Variants in ARAP2 observed in about 807,000 individuals in gnomAD.
ARAP2 encodes arf-GAP with Rho-GAP domain, ANK repeat and PH domain-containing protein 2.
In ARAP2, 148 loss-of-function variants were observed where a neutral mutation model predicts 194.5. The observed-to-expected ratio is 0.76, with a 90% confidence interval of 0.67 to 0.87. The LOEUF (loss-of-function observed/expected upper bound fraction) is 0.87, where lower values mean the gene tolerates loss of function less well. Among genes scored for constraint, ARAP2 ranks in the 40% least tolerant of loss-of-function variants. ARAP2 has a pLI of 0.00. For synonymous variants in ARAP2, 695 were observed against 683.5 expected (o/e 1.02, Z -0.26); for missense variants, 2,128 against 1,989.7 (o/e 1.07, Z -1.32).
At chr4:36,113,956 T>G (rs906648767) in intron 26 of ARAP2, among the ~76,000 whole-genome samples, 10 of 151,978 alleles carry the variant, frequency 6.6e-5, no homozygotes, top group African/African-American at 2.4e-4. Context: ...GTACCTAAAG[T>G]CTTGCACTGT....
At chr4:36,076,231 G>C (rs1413801333) in intron 31 of ARAP2, among the ~76,000 whole-genome samples, 2 of 152,108 alleles carry the variant, frequency 1.3e-5, no homozygotes, top group Non-Finnish European at 2.9e-5. Context: ...TCTGCTGTAT[G>C]ATGATTTTTA....
intron 15 of ARAP2, among the ~76,000 whole-genome samples, chr4:36,156,423 GAA>G (rs1491117139): frequency 0.046 from 467 of 10,160 alleles, 76 homozygotes; most frequent in Non-Finnish European, 0.057. Flanking sequence ...AAGAAAGAAA[GAA>G]AGAAAGAAAG....
intron 3 of ARAP2, among the ~76,000 whole-genome samples, chr4:36,049,596 T>C (rs934572925): frequency 6.6e-6 from 1 of 152,238 alleles, no homozygotes; most frequent in Non-Finnish European, 1.5e-5. Flanking sequence ...AAATATGCTG[T>C]TTGCAAATTA....
chr4:36,183,058 T>C (rs932037698), intron 8 of ARAP2, among the ~76,000 whole-genome samples: 2 of 152,136 alleles, frequency 1.3e-5, no homozygotes, highest in African/African-American at 2.4e-5. Context: ...TTTGGAGTCC[T>C]AGCAAGTTCC....
In ARAP2 at chr4:36,091,957, A is replaced by T; in HGVS notation, c.4349T>A (p.Ile1450Lys). ...ILKIKEEPSKILSGNKFQDRY... is the reference protein window; with the variant it reads ...ILKIKEEPSKKLSGNKFQDRY... Reference sequence around the variant, plus strand: ...GTCTTGAAACTTATTTCCAGATAGTATTTTGGATGGTTCTTCTTTGATTTT... The same window carrying T: ...GTCTTGAAACTTATTTCCAGATAGTTTTTTGGATGGTTCTTCTTTGATTTT... The change falls in exon 28 of 33, where the codon ATA becomes AAA. Residue 1450 changes from isoleucine to lysine, a missense_variant. Ile to Lys is a moderately radical substitution (Grantham distance 102). Coordinates refer to ENST00000303965, the MANE Select transcript of ARAP2 (RefSeq NM_015230.4). The T allele has an allele frequency of 6.2e-7, 1 of 1,608,536 alleles. No homozygotes were observed.
chr4:36,208,511 G>A (rs920315182), intron 6 of ARAP2, among the ~76,000 whole-genome samples: 4 of 152,168 alleles, frequency 2.6e-5, no homozygotes, highest in Admixed American at 1.3e-4. Flanking sequence ...ATCTCAATCA[G>A]CGCTATCTGC....
chr4:36,169,090 T>C (rs187975173), intron 9 of ARAP2, among the ~76,000 whole-genome samples: 1 of 152,298 alleles, frequency 6.6e-6, no homozygotes, highest in Admixed American at 6.5e-5. Flanking sequence ...TTAAGTAAGG[T>C]AGCAGTAGCA....
In ARAP2 at chr4:36,244,464, C is replaced by T. The variant is rs1754273941; in HGVS notation, c.-445G>A. 1.3e-5 allele frequency: 2 copies of T among 150,628 alleles called. No individual in the cohort carries two copies. The highest frequency in any genetic ancestry group is 6.6e-5 in the Admixed American group (1 of 15,138). 9.3% of individuals were successfully genotyped at this position (150,628 alleles called of 1,614,324 possible). ...AGCTCCGGAAACGCCGAGCCCGGCG[C>T]CCGCGCCTTGCTCAGGTGCTCCCGC... is the stretch of plus-strand genomic sequence containing the variant. On this transcript the variant is annotated 5_prime_UTR_variant, in exon 1 of 33. Transcript: ENST00000303965.
At chr4:36,097,052 T>C (rs1715512041) in intron 27 of ARAP2, among the ~76,000 whole-genome samples, 1 of 152,144 alleles carries the variant, frequency 6.6e-6, no homozygotes, top group Admixed American at 6.6e-5. Context: ...TTAATAAACC[T>C]TTCCATTTTT....
chr4:36,023,962 TAAA>T (rs3055211), intron 5 of ARAP2, among the ~76,000 whole-genome samples: 11 of 151,156 alleles, frequency 7.3e-5, no homozygotes, highest in South Asian at 4.2e-4. Flanking sequence ...ATTTAATCAA[TAAA>T]AAAAAAAAAT....
chr4:36,106,809 C>T (rs923862475), intron 27 of ARAP2, among the ~76,000 whole-genome samples: 1 of 151,788 alleles, frequency 6.6e-6, no homozygotes, highest in African/African-American at 2.4e-5. Context: ...GTGTGTTGAG[C>T]TCTGCTGGTA....
At chr4:36,065,652 G>T (rs765165716), downstream of ARAP2, 1 of 172,778 alleles carries the variant, frequency 5.8e-6, no homozygotes, top group Non-Finnish European at 1.3e-5. Flanking sequence ...TGACCAAGTG[G>T]CACTGCTGAG....
intron 2 of ARAP2, among the ~76,000 whole-genome samples, chr4:36,222,191 G>A (rs915316990): frequency 1.3e-5 from 2 of 152,056 alleles, no homozygotes; most frequent in East Asian, 3.8e-4. Context: ...TTAAAGGGGG[G>A]AAAATCCAGG....
At chr4:36,105,036 A>C (rs1718006461) in intron 27 of ARAP2, among the ~76,000 whole-genome samples, 1 of 152,034 alleles carries the variant, frequency 6.6e-6, no homozygotes, top group Non-Finnish European at 1.5e-5. Flanking sequence ...AGAGTGACAC[A>C]GAAGTTTACT....
chr4:36,170,544 GA>G (rs1405182126), intron 9 of ARAP2, among the ~76,000 whole-genome samples: 3 of 152,204 alleles, frequency 2.0e-5, no homozygotes, highest in Non-Finnish European at 4.4e-5. Context: ...AAGCAGGCCA[GA>G]ACAGGATGAC....
intron 6 of ARAP2, among the ~76,000 whole-genome samples, chr4:36,199,766 A>G (rs937602491): frequency 2.6e-5 from 4 of 152,228 alleles, no homozygotes; most frequent in Admixed American, 2.0e-4. Context: ...TCTAATATAC[A>G]GCATGGTGAC....
chr4:36,127,620 C>T (rs1456059743), intron 21 of ARAP2, among the ~76,000 whole-genome samples: 1 of 151,738 alleles, frequency 6.6e-6, no homozygotes, highest in Admixed American at 6.6e-5. Context: ...AAGCCATTTT[C>T]CAAATCTTGA....
intron 6 of ARAP2, among the ~76,000 whole-genome samples, chr4:36,018,557 C>T (rs1560272752): frequency 6.6e-6 from 1 of 151,856 alleles, no homozygotes; most frequent in Non-Finnish European, 1.5e-5. Context: ...AATGAGAGCA[C>T]CACCACATAA....
intron 6 of ARAP2, among the ~76,000 whole-genome samples, chr4:36,196,718 C>T (rs1046922551): frequency 6.6e-6 from 1 of 152,020 alleles, no homozygotes; most frequent in African/African-American, 2.4e-5. Context: ...TGCACTCCTA[C>T]CATCGAAAGT....
Sources: gnomAD v4.1 joint callset for allele counts (sites outside exome capture counted in the v4.1 genomes callset) on GRCh38, gnomAD v4.1.1 for gene constraint, MANE v1.5 for transcripts, NCBI Gene and HGNC (gene_info 2026-07-23, HGNC 2026-07-21) for gene names.